Variants in FYB2 observed in about 807,000 individuals in gnomAD.
FYB2 encodes FYN-binding protein 2.
In FYB2, 103 loss-of-function variants were observed where a neutral mutation model predicts 94.1. The observed-to-expected ratio is 1.09, with a 90% CI of 0.93 to 1.29. The LOEUF (loss-of-function observed/expected upper bound fraction) is 1.29. Among genes scored for constraint, FYB2 ranks in the 50% most tolerant of loss-of-function variants. The pLI, the probability that FYB2 is intolerant of heterozygous loss-of-function variation, is 0.00. For synonymous variants in FYB2, 293 were observed against 287.9 expected, an observed-to-expected ratio of 1.02 and a Z score of -0.18; for missense variants, 896 against 841.5, an observed-to-expected ratio of 1.06 and a Z score of -0.80.
At chr1:56,746,635 G>C (rs1180031879) in intron 9 of FYB2, among the ~76,000 whole-genome samples, 1 of 151,504 alleles carries the variant, frequency 6.6e-6, no homozygotes, top group East Asian at 1.9e-4. Flanking sequence ...AGTTTTTTTT[G>C]CTCATTCAGA....
intron 15 of FYB2, among the ~76,000 whole-genome samples, chr1:56,728,308 T>C (rs1455622352): frequency 6.6e-6 from 1 of 152,116 alleles, no homozygotes; most frequent in Non-Finnish European, 1.5e-5. Flanking sequence ...ATCGCCTAAA[T>C]AACAGTAATG....
chr1:56,737,195 T>C, intron 14 of FYB2, 48 bp from the exon 15 acceptor site: 1 of 1,436,088 alleles, frequency 7.0e-7, no homozygotes, highest in East Asian at 2.4e-5. Flanking sequence ...GCATGGTTTA[T>C]ATAAGCACTG....
At chr1:56,774,962 G>A (rs1645842332) in intron 4 of FYB2, among the ~76,000 whole-genome samples, 1 of 152,056 alleles carries the variant, frequency 6.6e-6, no homozygotes, top group Non-Finnish European at 1.5e-5. Flanking sequence ...TGGTTTGCCA[G>A]GGCTCTCAGG....
chr1:56,774,314 C>G (rs1365567262), intron 4 of FYB2, among the ~76,000 whole-genome samples: 2 of 152,124 alleles, frequency 1.3e-5, no homozygotes, highest in African/African-American at 4.8e-5. Flanking sequence ...CTTTAATCCT[C>G]TTTATATGAG....
At chr1:56,802,273 C>T (rs1361730) in intron 1 of FYB2, among the ~76,000 whole-genome samples, 29,372 of 152,178 alleles carry the variant, frequency 0.19, 3,607 homozygotes, top group Non-Finnish European at 0.27. Context: ...TTTTTCAATA[C>T]AAGGACTATG....
intron 1 of FYB2, among the ~76,000 whole-genome samples, chr1:56,793,218 G>A (rs1646315284): frequency 6.6e-6 from 1 of 152,070 alleles, no homozygotes; most frequent in Non-Finnish European, 1.5e-5. Context: ...AAAGGTGGTG[G>A]AATTATGATC....
the FYB2 span, among the ~76,000 whole-genome samples, chr1:56,825,464 A>C: frequency 4.6e-5 from 7 of 152,242 alleles, no homozygotes; most frequent in Middle Eastern, 3.4e-3. Flanking sequence ...ATGTCTCTTC[A>C]TCCATTCAGG....
At chr1:56,825,172 T>A in the FYB2 span, 1 of 152,256 alleles carries the variant, frequency 6.6e-6, no homozygotes, top group Non-Finnish European at 1.5e-5. Flanking sequence ...TAGAATTGAA[T>A]GACCTCATTT....
chr1:56,752,203 A>G (rs544134887), intron 8 of FYB2, among the ~76,000 whole-genome samples: 2 of 152,136 alleles, frequency 1.3e-5, no homozygotes, highest in African/African-American at 2.4e-5. Context: ...AGGGTCTTGC[A>G]TGCAAAGCAA....
At chr1:56,752,548 C>T (rs1184398582) in intron 8 of FYB2, among the ~76,000 whole-genome samples, 1 of 151,948 alleles carries the variant, frequency 6.6e-6, no homozygotes, top group Non-Finnish European at 1.5e-5. Flanking sequence ...AGAGGAGGGG[C>T]ATTCTTTTAG....
chr1:56,761,367 G>A (rs1645489873), intron 5 of FYB2, among the ~76,000 whole-genome samples: 1 of 152,196 alleles, frequency 6.6e-6, no homozygotes. Context: ...CAGCCAGCCA[G>A]ACAAGTGAAG....
intron 12 of FYB2, among the ~76,000 whole-genome samples, 174 bp from the exon 13 acceptor site, chr1:56,740,969 G>A (rs889662773): frequency 1.3e-5 from 2 of 152,044 alleles, no homozygotes; most frequent in Non-Finnish European, 2.9e-5. Context: ...TCCAAAAAGC[G>A]GGAGGGTGGG....
At chr1:56,804,313 C>T (rs1160121164) in intron 1 of FYB2, among the ~76,000 whole-genome samples, 1 of 152,186 alleles carries the variant, frequency 6.6e-6, no homozygotes, top group African/African-American at 2.4e-5. Context: ...ATTTACCAAA[C>T]TAACAGCAAA....
chr1:56,770,661 T>A (rs969624552), intron 4 of FYB2, among the ~76,000 whole-genome samples: 2 of 152,114 alleles, frequency 1.3e-5, no homozygotes, highest in African/African-American at 4.8e-5. Context: ...GTGAAAAAGG[T>A]TATTTTAATA....
At position 56,726,531 on chromosome 1, in the gene FYB2, T is replaced by G; in HGVS notation, c.1846A>C (p.Lys616Gln). 1 of 1,612,456 alleles carries G rather than the reference T, an allele frequency of 6.2e-7. No homozygotes were observed. The highest frequency in any genetic ancestry group is 8.5e-7 in the Non-Finnish European group (1 of 1,179,052). Residue 616 changes from lysine to glutamine, a missense_variant, in exon 16 of 20, where the codon AAA (lysine) becomes CAA (glutamine). Transcript: ENST00000343433. The stretch of plus-strand genomic sequence containing the variant: ...TCTTCAGCACCGTTTTTCTCTTTTT[T>G]TTCCTTTGGTGTCAGAAACTTGGGC... ...WKPKFLTPKE[K>Q]KEKNGAEESE...
intron 13 of FYB2, 78 bp from the exon 14 acceptor site, chr1:56,738,731 A>C: frequency 6.9e-7 from 1 of 1,450,716 alleles, no homozygotes; most frequent in Non-Finnish European, 9.6e-7. Context: ...ATCTCCAATA[A>C]CATATTGATG....
At chr1:56,791,263 T>A (rs1646257973) in intron 2 of FYB2, among the ~76,000 whole-genome samples, 1 of 151,418 alleles carries the variant, frequency 6.6e-6, no homozygotes, top group African/African-American at 2.4e-5. Context: ...TCCTTATCTT[T>A]TTTTTTTTTT....
chr1:56,796,116 G>C (rs1453319039), intron 1 of FYB2, among the ~76,000 whole-genome samples: 1 of 152,206 alleles, frequency 6.6e-6, no homozygotes, highest in Non-Finnish European at 1.5e-5. Flanking sequence ...AGCTACAGTA[G>C]AAAAGTAATT....
chr1:56,759,473 G>A (rs551160283), intron 5 of FYB2, among the ~76,000 whole-genome samples: 2 of 152,264 alleles, frequency 1.3e-5, no homozygotes, highest in South Asian at 4.1e-4. Context: ...ACTGAATACT[G>A]TAGGTAATTG....
Sources: allele counts gnomAD v4.1 joint callset (sites outside exome capture counted in the v4.1 genomes callset), GRCh38; gene constraint gnomAD v4.1.1; transcripts MANE v1.5; gene names NCBI Gene and HGNC (gene_info 2026-07-23, HGNC 2026-07-21).